SPATA6: variants seen among roughly 807,000 people sequenced by gnomAD.
SPATA6 encodes the protein spermatogenesis-associated protein 6.
SPATA6 carries 56 observed loss-of-function variants against 65.3 expected under a neutral mutation model. The ratio of observed to expected loss-of-function variants is 0.86; its 90% CI spans 0.69 to 1.07. The LOEUF is 1.07. SPATA6 is among the 50% of genes least tolerant of loss of function. The pLI, the probability that SPATA6 is intolerant of heterozygous loss-of-function variation, is 0.00. For synonymous variants in SPATA6, 199 were observed against 213.2 expected (o/e 0.93, Z 0.58); for missense variants, 590 against 594.8 (o/e 0.99, Z 0.08).
chr1:48,452,153 G>C (rs1053273505), intron 2 of SPATA6, among the ~76,000 whole-genome samples: 1 of 151,998 alleles, frequency 6.6e-6, no homozygotes, highest in Non-Finnish European at 1.5e-5. Flanking sequence ...ATTTTCCCTT[G>C]TTTACCATGT....
At chr1:48,384,343 A>C (rs1649189684) in intron 9 of SPATA6, among the ~76,000 whole-genome samples, 1 of 54,954 alleles carries the variant, frequency 1.8e-5, no homozygotes, top group Non-Finnish European at 2.9e-5. Context: ...AGGGACAGGG[A>C]CAGGGACAGG....
chr1:48,313,798 C>A (rs1291272150), intron 11 of SPATA6, among the ~76,000 whole-genome samples: 1 of 151,976 alleles, frequency 6.6e-6, no homozygotes, highest in East Asian at 1.9e-4. Context: ...CTCAGGAGAC[C>A]CATCTTATGT....
intron 5 of SPATA6, among the ~76,000 whole-genome samples, chr1:48,410,357 C>A (rs973746335): frequency 2.6e-5 from 4 of 152,170 alleles, no homozygotes. Flanking sequence ...TCACTAACAG[C>A]ATTATAGTCA....
chr1:48,302,901 C>G (rs1054718106), intron 12 of SPATA6, among the ~76,000 whole-genome samples: 1 of 151,944 alleles, frequency 6.6e-6, no homozygotes, highest in South Asian at 2.1e-4. Context: ...AAACTTCAGT[C>G]CTCCCTTGCT....
At chr1:48,333,433 C>T (rs1367021282) in intron 11 of SPATA6, among the ~76,000 whole-genome samples, 1 of 152,150 alleles carries the variant, frequency 6.6e-6, no homozygotes, top group Non-Finnish European at 1.5e-5. Context: ...TACTGGCTTC[C>T]TTGCTCCTCA....
chr1:48,427,429 T>A (rs1201014503), intron 3 of SPATA6, among the ~76,000 whole-genome samples: 2 of 136,792 alleles, frequency 1.5e-5, no homozygotes, highest in African/African-American at 2.7e-5. Context: ...TTAAGAAAAT[T>A]GAGGCAAAAA....
chr1:48,454,524 T>G (rs1489714396), intron 1 of SPATA6, among the ~76,000 whole-genome samples: 1 of 152,216 alleles, frequency 6.6e-6, no homozygotes, highest in Non-Finnish European at 1.5e-5. Flanking sequence ...ACTTACTATA[T>G]GCAAGTAAGT....
chr1:48,367,180 T>C (rs564622907), intron 9 of SPATA6, among the ~76,000 whole-genome samples: 1 of 152,322 alleles, frequency 6.6e-6, no homozygotes, highest in East Asian at 1.9e-4. Context: ...ATAATTTCTG[T>C]TCTTTTACAT....
In SPATA6 at chr1:48,298,776, C is replaced by G; in HGVS notation, c.1404G>C (p.Lys468Asn). The G allele has an allele frequency of 1.2e-6, 2 of 1,614,004 alleles. No homozygotes were observed. The highest frequency in any genetic ancestry group is 2.2e-5 in the South Asian group (2 of 91,070). ...HRPIFENSMD[K>N]MYRNLYKKAC... ...CCTTTTTGTATAAGTTCCTGTACAT[C>G]TTGTCCATGCTGTTCTCAAAGATGG... The change falls in exon 13 of 13, where the codon AAG becomes AAC. Residue 468 changes from lysine to asparagine, a missense_variant. By Grantham distance (94) the Lys-to-Asn change is moderately conservative. Coordinates refer to ENST00000371847, the MANE Select transcript of SPATA6 (RefSeq NM_019073.4).
chr1:48,328,308 T>C (rs1281628081), intron 11 of SPATA6, among the ~76,000 whole-genome samples: 1 of 152,038 alleles, frequency 6.6e-6, no homozygotes, highest in East Asian at 1.9e-4. Flanking sequence ...ATGTTGACAG[T>C]ATTATTATTT....
rs1158648128 is a variant in SPATA6, at chr1:48,297,240, C to T, written c.*1473G>A. The T allele has an allele frequency of 6.6e-6, 1 of 151,528 alleles. No individual in the cohort carries two copies. Among genetic ancestry groups the T allele is most frequent in the Middle Eastern group, 3.2e-3 (1 of 316 alleles). The allele number at this position is 151,528 out of a possible 1,614,324, so 9.4% of individuals were successfully genotyped here. A position where few individuals can be genotyped will look rare whatever the true frequency, so the allele number is the denominator to read the frequency against. The stretch of plus-strand genomic sequence containing the variant: ...ATACCTACATTCCTACGATTATCTC[C>T]TAAAACAGTGATCTTGGTCCACAGA... On this transcript the variant is annotated 3_prime_UTR_variant, in exon 13 of 13. Coordinates refer to ENST00000371847, the MANE Select transcript of SPATA6 (RefSeq NM_019073.4).
intron 5 of SPATA6, among the ~76,000 whole-genome samples, chr1:48,408,188 T>G (rs1041338212): frequency 7.2e-5 from 11 of 152,232 alleles, no homozygotes; most frequent in Non-Finnish European, 1.3e-4. Flanking sequence ...TAACTATATT[T>G]GTTCATATAT....
intron 11 of SPATA6, chr1:48,344,161 T>A (rs1159337946): frequency 6.6e-6 from 1 of 152,146 alleles, no homozygotes; most frequent in Non-Finnish European, 1.5e-5. Flanking sequence ...AGTGTAAGTA[T>A]GAAAGAAGAT....
chr1:48,416,740 A>C (rs1474119758), intron 3 of SPATA6, among the ~76,000 whole-genome samples: 1 of 152,202 alleles, frequency 6.6e-6, no homozygotes, highest in Non-Finnish European at 1.5e-5. Flanking sequence ...CAGGCAATCT[A>C]TTTCAGGAAC....
Position 48,325,361 on chromosome 1 carries a change from C to T in SPATA6, c.1195-19483G>A. 2.2e-6 allele frequency: 3 copies of T among 1,368,986 alleles called. No individual in the cohort carries two copies. In the Admixed American group the frequency reaches 5.2e-5, roughly 24 times the overall value. 84.8% of individuals were successfully genotyped at this position (1,368,986 alleles called of 1,614,324 possible). ...AGAGTCCTCCCCTGAAGGCAAAGTT[C>T]TGCATGCGCCTTCTCCCTGATTCCT... On this transcript the variant is annotated intron_variant, in intron 11 of 12. Coordinates refer to ENST00000371847, the MANE Select transcript of SPATA6 (RefSeq NM_019073.4).
chr1:48,281,149 A>C, the SPATA6 span, among the ~76,000 whole-genome samples: 1 of 152,138 alleles, frequency 6.6e-6, no homozygotes, highest in Non-Finnish European at 1.5e-5. Context: ...CATGCTAAAA[A>C]ATCTCAATAA....
the SPATA6 span, among the ~76,000 whole-genome samples, chr1:48,268,442 G>A: frequency 1.3e-5 from 2 of 151,792 alleles, no homozygotes; most frequent in Non-Finnish European, 2.9e-5. Context: ...ACATTCATCT[G>A]GCTGAGCTCC....
At chr1:48,270,253 C>A in the SPATA6 span, among the ~76,000 whole-genome samples, 2 of 152,132 alleles carry the variant, frequency 1.3e-5, no homozygotes, top group African/African-American at 4.8e-5. Flanking sequence ...CTTTCATACA[C>A]TTCCGCCAAT....
chr1:48,354,103 A>C (rs896698893), intron 11 of SPATA6, among the ~76,000 whole-genome samples: 3 of 152,176 alleles, frequency 2.0e-5, no homozygotes, highest in African/African-American at 7.2e-5. Flanking sequence ...ATGGCCAATA[A>C]GAATATTCAC....
Sources: gnomAD v4.1 joint callset for allele counts (sites outside exome capture counted in the v4.1 genomes callset) on GRCh38, gnomAD v4.1.1 for gene constraint, MANE v1.5 for transcripts, NCBI Gene and HGNC (gene_info 2026-07-23, HGNC 2026-07-21) for gene names.